IMMP2L: variants seen among roughly 807,000 people sequenced by gnomAD.
IMMP2L encodes the protein mitochondrial inner membrane protease subunit 2.
IMMP2L carries 18 observed loss-of-function variants against 19.3 expected under a neutral mutation model. The observed-to-expected ratio is 0.93, with a 90% CI of 0.64 to 1.38. The LOEUF is 1.38. Ranked by LOEUF, IMMP2L falls within the 40% of genes most tolerant of loss-of-function variation. The pLI is 0.00. For synonymous variants in IMMP2L, 76 were observed against 73.0 expected, an observed-to-expected ratio of 1.04 and a Z score of -0.21; for missense variants, 233 against 218.2, an observed-to-expected ratio of 1.07 and a Z score of -0.43.
At chr7:110,840,251 T>A (rs1054651348) in intron 5 of IMMP2L, among the ~76,000 whole-genome samples, 6 of 151,980 alleles carry the variant, frequency 3.9e-5, no homozygotes, top group Non-Finnish European at 8.8e-5. Context: ...AGCCCAGGAG[T>A]GCTTCGCCAT....
chr7:110,748,398 C>CT (rs2130905200), intron 5 of IMMP2L, among the ~76,000 whole-genome samples: 1 of 152,186 alleles, frequency 6.6e-6, no homozygotes, highest in South Asian at 2.1e-4. Flanking sequence ...AAAAAAACTA[C>CT]TTTAAATTTC....
chr7:111,504,930 A>C (rs1484984913), intron 2 of IMMP2L, among the ~76,000 whole-genome samples: 1 of 152,000 alleles, frequency 6.6e-6, no homozygotes, highest in African/African-American at 2.4e-5. Context: ...TTCATGTCTA[A>C]AACACCAAAA....
At chr7:111,522,728 T>A (rs1329505574) in intron 1 of IMMP2L, among the ~76,000 whole-genome samples, 1 of 151,832 alleles carries the variant, frequency 6.6e-6, no homozygotes, top group African/African-American at 2.4e-5. Context: ...AGTATGGAGG[T>A]TCCTCAAAAA....
chr7:110,983,208 A>G (rs1481915205), intron 3 of IMMP2L, among the ~76,000 whole-genome samples: 1 of 152,098 alleles, frequency 6.6e-6, no homozygotes, highest in Admixed American at 6.5e-5. Flanking sequence ...AAAAACTAAC[A>G]AAATACTGAG....
At chr7:111,136,233 G>A (rs1290272821) in intron 3 of IMMP2L, among the ~76,000 whole-genome samples, 4 of 151,972 alleles carry the variant, frequency 2.6e-5, no homozygotes, top group Non-Finnish European at 5.9e-5. Flanking sequence ...TCACCATCTT[G>A]GCCAGGCTAG....
chr7:111,540,963 G>C (rs1229446016), intron 1 of IMMP2L, among the ~76,000 whole-genome samples: 1 of 152,004 alleles, frequency 6.6e-6, no homozygotes, highest in African/African-American at 2.4e-5. Context: ...CCATGCATGC[G>C]TCCCTCCCAA....
rs1584971682 is a variant in IMMP2L, at chr7:110,834,392, T to C, written c.408+52201A>G. ...TGTGTGTGTGTTATATGCAACTTTA[T>C]ATATATATATAGTGTATATGTAACA... On this transcript the variant is annotated intron_variant, in intron 5 of 5. Transcript: ENST00000405709. Among the ~76,000 whole-genome samples, 5 of 151,358 alleles carry C rather than the reference T, an allele frequency of 3.3e-5. No homozygotes were observed. In the South Asian group the frequency reaches 1.0e-3, roughly 32 times the overall value.
intron 3 of IMMP2L, among the ~76,000 whole-genome samples, chr7:111,267,652 C>T (rs1048272164): frequency 1.3e-5 from 2 of 152,122 alleles, no homozygotes; most frequent in African/African-American, 4.8e-5. Context: ...TATCTTTTGA[C>T]CCAATCTTTA....
At chr7:111,437,613 T>C (rs1837310404) in intron 3 of IMMP2L, among the ~76,000 whole-genome samples, 1 of 151,998 alleles carries the variant, frequency 6.6e-6, no homozygotes, top group South Asian at 2.1e-4. Flanking sequence ...GATTTTATTT[T>C]TTAAATTACC....
intron 3 of IMMP2L, among the ~76,000 whole-genome samples, chr7:110,990,880 A>G (rs1274444471): frequency 6.6e-6 from 1 of 152,188 alleles, no homozygotes; most frequent in African/African-American, 2.4e-5. Flanking sequence ...ACAATGGCAA[A>G]ATCTGAAGTG....
intron 3 of IMMP2L, among the ~76,000 whole-genome samples, chr7:111,398,839 G>T (rs192302163): frequency 1.1e-4 from 17 of 149,250 alleles, no homozygotes; most frequent in African/African-American, 4.2e-4. Flanking sequence ...CAGTGACCAA[G>T]CAGAGAATCA....
At chr7:110,787,807 T>C (rs1800185425) in intron 5 of IMMP2L, among the ~76,000 whole-genome samples, 1 of 151,874 alleles carries the variant, frequency 6.6e-6, no homozygotes, top group Non-Finnish European at 1.5e-5. Context: ...GTTCACATTC[T>C]GATGCACTGA....
rs1045892747 is a variant in IMMP2L at position 111,411,460 on chromosome 7, G to A, written c.239+75778C>T. The stretch of plus-strand genomic sequence containing the variant: ...CCTCCTTGGAGCTCTTCGTGTACCT[G>A]AACGAAGTCACGGGCAAGCACGGCA... On this transcript the variant is annotated intron_variant, in intron 3 of 5. Transcript: ENST00000405709. The A allele has an allele frequency of 3.0e-5, 15 of 501,220 alleles. 1 individual carries two copies. Among genetic ancestry groups the A allele is most frequent in the African/African-American group, 2.8e-4 (14 of 50,700 alleles). The allele number at this position is 501,220 out of a possible 1,614,324, so 31.0% of individuals were successfully genotyped here. A position where few individuals can be genotyped will look rare whatever the true frequency, so the allele number is the denominator to read the frequency against.
chr7:111,498,665 G>A (rs1246818328), intron 2 of IMMP2L, among the ~76,000 whole-genome samples: 1 of 152,138 alleles, frequency 6.6e-6, no homozygotes, highest in Non-Finnish European at 1.5e-5. Context: ...ATATACAATG[G>A]TGTAGCAATC....
intron 3 of IMMP2L, among the ~76,000 whole-genome samples, chr7:111,252,164 T>A (rs370880137): frequency 6.6e-6 from 1 of 151,646 alleles, no homozygotes. Flanking sequence ...CTTTTCAAAG[T>A]TCACATGCAG....
At chr7:111,237,125 G>A (rs999895246) in intron 3 of IMMP2L, among the ~76,000 whole-genome samples, 1 of 152,096 alleles carries the variant, frequency 6.6e-6, no homozygotes, top group Non-Finnish European at 1.5e-5. Context: ...AAATATCCTA[G>A]TTGATGGAAT....
intron 3 of IMMP2L, among the ~76,000 whole-genome samples, chr7:111,081,570 A>C (rs1267693593): frequency 6.6e-6 from 1 of 152,228 alleles, no homozygotes; most frequent in Non-Finnish European, 1.5e-5. Context: ...ATTCATTCAT[A>C]GACTCTTTTG....
chr7:110,976,248 G>A (rs1820683689), intron 3 of IMMP2L, among the ~76,000 whole-genome samples: 1 of 151,650 alleles, frequency 6.6e-6, no homozygotes, highest in Non-Finnish European at 1.5e-5. Context: ...TCAGTTACCT[G>A]CACTTATAAA....
chr7:111,320,131 T>C (rs140626412), intron 3 of IMMP2L, among the ~76,000 whole-genome samples: 263 of 152,096 alleles, frequency 1.7e-3, no homozygotes, highest in African/African-American at 5.8e-3. Context: ...GCTTCAACAA[T>C]AGATCATACC....
Sources: allele counts gnomAD v4.1 joint callset (sites outside exome capture counted in the v4.1 genomes callset), GRCh38; gene constraint gnomAD v4.1.1; transcripts MANE v1.5; gene names NCBI Gene and HGNC (gene_info 2026-07-23, HGNC 2026-07-21).